Variants in SEL1L3 observed in about 807,000 individuals in gnomAD.
The protein encoded by SEL1L3 is SEL1L family member 3, also known as protein sel-1 homolog 3.
SEL1L3 carries 76 observed loss-of-function variants against 142.8 expected under a neutral mutation model. The ratio of observed to expected loss-of-function variants is 0.53; its 90% CI spans 0.44 to 0.64. SEL1L3 has a LOEUF of 0.64. Ranked by LOEUF, SEL1L3 falls within the 30% of genes least tolerant of loss-of-function variation. SEL1L3 has a pLI of 0.00. For missense variants in SEL1L3, 1,262 were observed against 1,381.7 expected, an observed-to-expected ratio of 0.91 and a Z score of 1.37; for synonymous variants, 504 against 519.6, an observed-to-expected ratio of 0.97 and a Z score of 0.41.
At chr4:25,806,552 C>T (rs944755918) in intron 9 of SEL1L3, among the ~76,000 whole-genome samples, 1 of 152,050 alleles carries the variant, frequency 6.6e-6, no homozygotes, top group African/African-American at 2.4e-5. Flanking sequence ...TGTCAATGAG[C>T]GGGAACTGGT....
chr4:25,842,905 A>T (rs1716262196), intron 2 of SEL1L3, among the ~76,000 whole-genome samples: 1 of 152,220 alleles, frequency 6.6e-6, no homozygotes, highest in African/African-American at 2.4e-5. Context: ...AAGGTGGACA[A>T]TGACAGGCAG....
chr4:25,760,663 T>C (rs1240003840), intron 20 of SEL1L3, among the ~76,000 whole-genome samples: 1 of 152,170 alleles, frequency 6.6e-6, no homozygotes, highest in Non-Finnish European at 1.5e-5. Flanking sequence ...TCTAATGGCT[T>C]ATATCTTCCC....
At position 25,767,600 on chromosome 4, in the gene SEL1L3, T is replaced by C. The variant is rs956385285; in HGVS notation, c.2770A>G (p.Arg924Gly). 1.9e-6 allele frequency: 3 copies of C among 1,594,956 alleles called. No individual in the cohort carries two copies. Among genetic ancestry groups the C allele is most frequent in the African/African-American group, 2.7e-5 (2 of 74,580 alleles). The change falls in exon 19 of 24, where the codon AGG becomes GGG. Residue 924 changes from arginine to glycine, a missense_variant. This residue lies in a region of SEL1L3 where 435 missense variants were observed against 559.2 expected (regional missense o/e 0.78). Coordinates refer to ENST00000399878, the MANE Select transcript of SEL1L3 (RefSeq NM_015187.5). ...HICEERPDLA[R>G]RYLGVNCVWR... ...ACACAGTTAACACCCAAGTATCTCC[T>C]GGCCAGGTCCTAAGGGGTAAAGGGA...
Position 25,819,863 on chromosome 4 carries a change from T to C in SEL1L3, c.1368A>G (p.Glu456=). The C allele has an allele frequency of 6.2e-7, 1 of 1,613,680 alleles. No individual in the cohort carries two copies. The highest frequency in any genetic ancestry group is 8.5e-7 in the Non-Finnish European group (1 of 1,179,752). ...LYYERCAEVQ[E]IVSVYASAAK... ...CTGCAGATGCATACACAGATACTAT[T>C]TCTTGAACCTCAGCACACCTTTCAT... is the stretch of plus-strand genomic sequence containing the variant. Residue 456 remains glutamate, a synonymous_variant, in exon 8 of 24, where the codon GAA becomes GAG. Transcript: ENST00000399878.
downstream of SEL1L3, among the ~76,000 whole-genome samples, chr4:25,746,928 T>C (rs1485107195): frequency 6.6e-6 from 1 of 152,104 alleles, no homozygotes; most frequent in Non-Finnish European, 1.5e-5. Context: ...CTCATAAAAA[T>C]CCCAAGAGGT....
chr4:25,811,047 G>A (rs1385661847), intron 9 of SEL1L3, among the ~76,000 whole-genome samples: 1 of 152,136 alleles, frequency 6.6e-6, no homozygotes, highest in Non-Finnish European at 1.5e-5. Flanking sequence ...CTGGCACTTG[G>A]CACAGAGTTG....
At chr4:25,762,249 T>A (rs1577565948) in intron 20 of SEL1L3, among the ~76,000 whole-genome samples, 1 of 152,302 alleles carries the variant, frequency 6.6e-6, no homozygotes, top group African/African-American at 2.4e-5. Flanking sequence ...GTGCCCGGCC[T>A]CATAAAACCA....
chr4:25,819,124 G>C (rs1307563588), intron 8 of SEL1L3, among the ~76,000 whole-genome samples: 1 of 152,208 alleles, frequency 6.6e-6, no homozygotes. Flanking sequence ...ATATCAAACA[G>C]CAAGATCCAC....
rs778600204 is a variant in SEL1L3, at chr4:25,847,415, G to A, written c.612C>T (p.Leu204=). 1.2e-6 allele frequency: 2 copies of A among 1,613,848 alleles called. No homozygotes were observed. The highest frequency in any genetic ancestry group is 2.7e-5 in the African/African-American group (2 of 74,910). The change falls in exon 2 of 24, where the codon CTC becomes CTT. Residue 204 remains leucine, a synonymous_variant. Coordinates refer to ENST00000399878, the MANE Select transcript of SEL1L3 (RefSeq NM_015187.5). Reference sequence around the variant, plus strand: ...GTTCAAAAGGCGGGATGGTCTGCAGGAGGGTATAATTCTTTGCTACAGCAT... The same window carrying A: ...GTTCAAAAGGCGGGATGGTCTGCAGAAGGGTATAATTCTTTGCTACAGCAT... ...LLHAVAKNYT[L]LQTIPPFERP...
chr4:25,822,323 G>A (rs1714818369), intron 6 of SEL1L3, among the ~76,000 whole-genome samples, 195 bp from the exon 7 acceptor site: 1 of 152,194 alleles, frequency 6.6e-6, no homozygotes, highest in Non-Finnish European at 1.5e-5. Flanking sequence ...CCAGCTATGA[G>A]ACCTCAGCCC....
chr4:25,838,268 C>T (rs1715959405), intron 2 of SEL1L3, among the ~76,000 whole-genome samples: 1 of 152,026 alleles, frequency 6.6e-6, no homozygotes, highest in Non-Finnish European at 1.5e-5. Context: ...AACAAACAAA[C>T]AAAGACACCA....
intron 13 of SEL1L3, among the ~76,000 whole-genome samples, chr4:25,787,755 G>A (rs1395938772): frequency 6.6e-6 from 1 of 152,220 alleles, no homozygotes; most frequent in Non-Finnish European, 1.5e-5. Flanking sequence ...TGGTTGCAGA[G>A]GTGGGACTTT....
chr4:25,789,992 G>A (rs1007029308), intron 12 of SEL1L3, among the ~76,000 whole-genome samples: 1 of 152,154 alleles, frequency 6.6e-6, no homozygotes, highest in African/African-American at 2.4e-5. Flanking sequence ...CTGAGTTCAT[G>A]GTCTTCTGGA....
chr4:25,739,321 TTGCTAAACATCCTA>T, the SEL1L3 span, among the ~76,000 whole-genome samples: 2 of 152,204 alleles, frequency 1.3e-5, no homozygotes, highest in Non-Finnish European at 2.9e-5. Context: ...CATAGAGATG[TTGCTAAACATCCTA>T]CAATGTACAC....
the SEL1L3 span, among the ~76,000 whole-genome samples, chr4:25,729,020 C>T: frequency 2.0e-5 from 3 of 151,080 alleles, no homozygotes; most frequent in East Asian, 5.8e-4. Flanking sequence ...TCCCCTTCCT[C>T]ACTGTCACCA....
In SEL1L3 at chr4:25,748,268, G is replaced by A; in HGVS notation, c.*157C>T. ...CACTGCCTGATCTGGGTACTTCCTT[G>A]TAATTTGACTTTAAAAAAAATGACA... On this transcript the variant is annotated 3_prime_UTR_variant, in exon 24 of 24. Coordinates refer to ENST00000399878, the MANE Select transcript of SEL1L3 (RefSeq NM_015187.5). 2 of 676,222 alleles carry A rather than the reference G, an allele frequency of 3.0e-6. No homozygotes were observed. The highest frequency in any genetic ancestry group is 5.0e-6 in the Non-Finnish European group (2 of 403,374). 41.9% of individuals were successfully genotyped at this position (676,222 alleles called of 1,614,324 possible).
chr4:25,795,055 G>A (rs115681509), intron 11 of SEL1L3, among the ~76,000 whole-genome samples: 14,691 of 147,270 alleles, frequency 0.1, 702 homozygotes, highest in South Asian at 0.23. Context: ...GGGCCTCTTG[G>A]GGGGTGGGGG....
chr4:25,733,523 C>CTTTT, the SEL1L3 span, among the ~76,000 whole-genome samples: 2 of 121,940 alleles, frequency 1.6e-5, no homozygotes, highest in African/African-American at 3.1e-5. Context: ...TATTCCTTAG[C>CTTTT]TTTTTTTTTT....
chr4:25,791,546 A>C (rs1712335974), intron 11 of SEL1L3, among the ~76,000 whole-genome samples: 1 of 152,280 alleles, frequency 6.6e-6, no homozygotes, highest in Non-Finnish European at 1.5e-5. Context: ...CCCCATGCCC[A>C]AAGCCATGCC....
Sources: allele counts gnomAD v4.1 joint callset (sites outside exome capture counted in the v4.1 genomes callset), GRCh38; gene constraint gnomAD v4.1.1; regional missense constraint gnomAD v4.1.1; transcripts MANE v1.5; gene names NCBI Gene and HGNC (gene_info 2026-07-23, HGNC 2026-07-21).